The following SAMD13 variants were observed in gnomAD, a reference collection of about 807,000 sequenced individuals.
The protein encoded by SAMD13 is sterile alpha motif domain-containing protein 13.
A neutral mutation model predicts 12.4 loss-of-function variants in SAMD13; 9 were observed. The ratio of observed to expected loss-of-function variants is 0.72; its 90% CI spans 0.44 to 1.26. The LOEUF (loss-of-function observed/expected upper bound fraction) is 1.26. Among genes scored for constraint, SAMD13 ranks in the 50% most tolerant of loss-of-function variants. The pLI, the probability that SAMD13 is intolerant of heterozygous loss-of-function variation, is 0.00. For synonymous variants in SAMD13, 46 were observed against 45.4 expected (o/e 1.01, Z -0.05); for missense variants, 84 against 119.6 (o/e 0.70, Z 1.39).
intron 3 of SAMD13, among the ~76,000 whole-genome samples, chr1:84,342,554 A>G (rs1679451686): frequency 6.6e-6 from 1 of 152,172 alleles, no homozygotes; most frequent in South Asian, 2.1e-4. Context: ...ATAAGACCAC[A>G]CATCTACAAT....
At chr1:84,325,789 A>G (rs1679046895) in intron 3 of SAMD13, 41 bp downstream of exon 3, 1 of 1,164,928 alleles carries the variant, frequency 8.6e-7, no homozygotes, top group Middle Eastern at 1.9e-4. Flanking sequence ...CATGTGATGA[A>G]CCCACAGTTA....
chr1:84,346,374 A>T (rs770910862), intron 3 of SAMD13, among the ~76,000 whole-genome samples: 33 of 152,236 alleles, frequency 2.2e-4, no homozygotes, highest in Non-Finnish European at 4.0e-4. Context: ...AACATTGTTT[A>T]TTGCCCAACG....
At chr1:84,313,775 A>G (rs1678766263) in intron 2 of SAMD13, among the ~76,000 whole-genome samples, 1 of 152,234 alleles carries the variant, frequency 6.6e-6, no homozygotes, top group South Asian at 2.1e-4. Context: ...TCTTCACCAT[A>G]TTCCTCTGCC....
chr1:84,348,841 T>G (rs1212473792), intron 3 of SAMD13, among the ~76,000 whole-genome samples: 1 of 152,080 alleles, frequency 6.6e-6, no homozygotes, highest in Non-Finnish European at 1.5e-5. Context: ...CTCACTACCT[T>G]ATTTGGAAGT....
chr1:84,333,953 G>T (rs1447801353), intron 3 of SAMD13, among the ~76,000 whole-genome samples: 1 of 152,124 alleles, frequency 6.6e-6, no homozygotes, highest in African/African-American at 2.4e-5. Context: ...GATTCAGTTT[G>T]CTAGTATTTT....
intron 2 of SAMD13, among the ~76,000 whole-genome samples, chr1:84,312,990 A>G (rs1678747794): frequency 6.6e-6 from 1 of 152,096 alleles, no homozygotes; most frequent in African/African-American, 2.4e-5. Flanking sequence ...GATAGACATG[A>G]TTATTATTAA....
upstream of SAMD13, chr1:84,299,516 G>A (rs1389490865): frequency 1.9e-5 from 21 of 1,078,644 alleles, no homozygotes; most frequent in African/African-American, 2.5e-4. Context: ...CCCCACATAC[G>A]TACCACACCC....
chr1:84,338,700 A>T (rs1243705463), intron 3 of SAMD13, among the ~76,000 whole-genome samples: 1 of 152,030 alleles, frequency 6.6e-6, no homozygotes, highest in Non-Finnish European at 1.5e-5. Context: ...GGCCTCCCAA[A>T]GTGCTGGGAT....
chr1:84,316,865 GT>G (rs1415781535), intron 2 of SAMD13, among the ~76,000 whole-genome samples: 9 of 151,896 alleles, frequency 5.9e-5, no homozygotes, highest in African/African-American at 2.2e-4. Context: ...CTTTGCATTT[GT>G]TTGTGTCTTC....
At chr1:84,348,397 G>A (rs768122444) in intron 3 of SAMD13, among the ~76,000 whole-genome samples, 19 of 152,114 alleles carry the variant, frequency 1.2e-4, no homozygotes, top group Admixed American at 3.3e-4. Flanking sequence ...TCCGTTTTAC[G>A]TAGTTGCAGC....
upstream of SAMD13, among the ~76,000 whole-genome samples, chr1:84,300,070 A>G (rs1678420840): frequency 6.6e-6 from 1 of 152,200 alleles, no homozygotes; most frequent in Non-Finnish European, 1.5e-5. Flanking sequence ...CCCAAGACAC[A>G]GAACTCCCAG....
At chr1:84,341,015 G>A (rs967817488) in intron 3 of SAMD13, among the ~76,000 whole-genome samples, 2 of 152,194 alleles carry the variant, frequency 1.3e-5, no homozygotes, top group African/African-American at 4.8e-5. Context: ...ATCATCTCCT[G>A]CCCTTGGAAA....
upstream of SAMD13, among the ~76,000 whole-genome samples, chr1:84,300,217 T>C (rs1678424465): frequency 6.6e-6 from 1 of 152,230 alleles, no homozygotes; most frequent in Non-Finnish European, 1.5e-5. Flanking sequence ...TCAGCACTGG[T>C]GAAAGATCCA....
intron 3 of SAMD13, among the ~76,000 whole-genome samples, chr1:84,329,920 G>A (rs1248824170): frequency 6.6e-6 from 1 of 152,150 alleles, no homozygotes; most frequent in Non-Finnish European, 1.5e-5. Flanking sequence ...CTGGCGTACT[G>A]CACTCATTCA....
chr1:84,317,057 C>T (rs754918663), intron 2 of SAMD13, among the ~76,000 whole-genome samples: 1 of 152,024 alleles, frequency 6.6e-6, no homozygotes, highest in Non-Finnish European at 1.5e-5. Context: ...TTTTTGTATC[C>T]TGCAACTTTG....
upstream of SAMD13, among the ~76,000 whole-genome samples, chr1:84,300,525 A>T (rs140688158): frequency 1.1e-3 from 171 of 152,338 alleles, 1 homozygote; most frequent in Admixed American, 3.9e-4. Context: ...ATTCTACAGG[A>T]TATTACAGCA....
chr1:84,307,414 A>T (rs112655169), intron 2 of SAMD13, among the ~76,000 whole-genome samples: 4,167 of 152,272 alleles, frequency 0.027, 200 homozygotes, highest in African/African-American at 0.096. Context: ...CCATGGCACA[A>T]CTTAACATAT....
At chr1:84,324,348 C>T (rs1679012133) in intron 2 of SAMD13, among the ~76,000 whole-genome samples, 1 of 152,184 alleles carries the variant, frequency 6.6e-6, no homozygotes, top group South Asian at 2.1e-4. Context: ...GTGTTTCTGT[C>T]ACAGGGCCTG....
At chr1:84,323,471 T>G (rs1029246825) in intron 2 of SAMD13, among the ~76,000 whole-genome samples, 6 of 152,138 alleles carry the variant, frequency 3.9e-5, no homozygotes, top group Non-Finnish European at 7.4e-5. Context: ...TGGTTATAGA[T>G]TCACCATCTT....
Sources: gnomAD v4.1 joint callset for allele counts (sites outside exome capture counted in the v4.1 genomes callset) on GRCh38, gnomAD v4.1.1 for gene constraint, MANE v1.5 for transcripts, NCBI Gene and HGNC (gene_info 2026-07-23, HGNC 2026-07-21) for gene names.